TAT: variants seen among roughly 807,000 people sequenced by gnomAD.
The protein encoded by TAT is L-tyrosine:2-oxoglutarate aminotransferase.
Under a neutral mutation model 53.6 loss-of-function variants are expected in TAT, and 35 were observed. The ratio of observed to expected loss-of-function variants is 0.65; its 90% confidence interval spans 0.50 to 0.87. The LOEUF (loss-of-function observed/expected upper bound fraction) is 0.87, where lower values mean the gene tolerates loss of function less well. TAT is among the 40% of genes least tolerant of loss of function. The probability of loss-of-function intolerance (pLI) is 0.00; values close to 1 mark genes in which losing one functional copy is unlikely to be tolerated. For synonymous variants in TAT, 197 were observed against 206.5 expected (o/e 0.95, Z 0.39); for missense variants, 525 against 571.8 (o/e 0.92, Z 0.83).
chr16:71,576,964 C>T (rs993065843), intron 1 of TAT, 45 bp downstream of exon 1: 1 of 173,184 alleles, frequency 5.8e-6, no homozygotes, highest in African/African-American at 2.4e-5. Context: ...ATTAACAGCT[C>T]AATCAGTCAC....
chr16:71,571,541 C>T (rs937167512), intron 7 of TAT, 65 bp downstream of exon 7: 2 of 1,435,632 alleles, frequency 1.4e-6, no homozygotes, highest in Non-Finnish European at 2.0e-6. Context: ...CTGATTATTC[C>T]ACTTCTAAAG....
chr16:71,575,043 A>C (rs2044226519), intron 3 of TAT: 1 of 152,184 alleles, frequency 6.6e-6, no homozygotes. Flanking sequence ...TAATATTTGG[A>C]TGTTAAAGTC....
chr16:71,571,097 C>T (rs2044200157), intron 7 of TAT, among the ~76,000 whole-genome samples: 1 of 152,192 alleles, frequency 6.6e-6, no homozygotes, highest in African/African-American at 2.4e-5. Flanking sequence ...CTCCATGAAG[C>T]TGGCTCTATG....
rs756244991 is a variant in TAT at position 71,569,935 on chromosome 16, G to T, written c.1044C>A (p.Ser348=). The T allele has an allele frequency of 6.2e-7, 1 of 1,613,082 alleles. No homozygotes were observed. Among genetic ancestry groups the T allele is most frequent in the Admixed American group, 1.7e-5 (1 of 59,902 alleles). The change falls in exon 10 of 12, where the codon TCC becomes TCA. Residue 348 remains serine (S), a splice_region_variant and synonymous_variant. Coordinates refer to ENST00000355962, the MANE Select transcript of TAT (RefSeq NM_000353.3). ...FYHNTLSFLK[S]NADLCYGALA... Reference sequence around the variant, plus strand: ...ACGCCCCATAACAGAGATCAGCATTGGACTACAAGAAGAGGCAAGGAGAAA... The same window carrying T: ...ACGCCCCATAACAGAGATCAGCATTTGACTACAAGAAGAGGCAAGGAGAAA...
At chr16:71,576,562 T>C in intron 1 of TAT, 135 bp from the exon 2 acceptor site, 1 of 789,132 alleles carries the variant, frequency 1.3e-6, no homozygotes, top group South Asian at 1.6e-5. Context: ...TTTTTTCTAC[T>C]TTCTGTTGTA....
intron 11 of TAT, 92 bp downstream of exon 11, chr16:71,568,619 G>C: frequency 1.1e-6 from 1 of 949,592 alleles, no homozygotes; most frequent in Non-Finnish European, 1.7e-6. Flanking sequence ...CATTTTGTTG[G>C]AGGAGAAAAG....
chr16:71,571,770 TAAAG>T (rs1180544277), intron 6 of TAT, 112 bp from the exon 7 acceptor site: 3 of 1,102,158 alleles, frequency 2.7e-6, no homozygotes, highest in Non-Finnish European at 4.1e-6. Context: ...TTACAATTCT[TAAAG>T]AGAAAGACAA....
chr16:71,575,910 G>A lies in TAT; in HGVS notation c.340+12C>T. ...GGCAGTCACCAGGTATGGAGTCTCA[G>A]GAGGAGCTTACCGATGGATGGGGCA... On this transcript the variant is annotated intron_variant, in intron 3 of 11. Coordinates refer to ENST00000355962, the MANE Select transcript of TAT (RefSeq NM_000353.3). The A allele has an allele frequency of 6.2e-7, 1 of 1,613,344 alleles. No homozygotes were observed. The highest frequency in any genetic ancestry group is 8.5e-7 in the Non-Finnish European group (1 of 1,179,284).
At position 71,571,809 on chromosome 16, in the gene TAT, C is replaced by T. The variant is rs913018369; in HGVS notation, c.707-151G>A. 1.8e-5 allele frequency: 15 copies of T among 824,692 alleles called. No individual in the cohort carries two copies. In the Admixed American group the frequency reaches 3.1e-4, roughly 17 times the overall value. The allele number at this position is 824,692 out of a possible 1,614,324, so 51.1% of individuals were successfully genotyped here. On this transcript the variant is annotated intron_variant, in intron 6 of 11. Transcript: ENST00000355962. Reference sequence around the variant, plus strand: ...AAAAGCACAAGCAAAGTGTGATTTGCATTTCATGTTTGTGTGTTTTGTCTT... The same window carrying T: ...AAAAGCACAAGCAAAGTGTGATTTGTATTTCATGTTTGTGTGTTTTGTCTT...
At position 71,572,235 on chromosome 16, in the gene TAT, G is replaced by T. The variant is rs376789125; in HGVS notation, c.657C>A (p.Asn219Lys). 1.1e-5 allele frequency: 17 copies of T among 1,614,102 alleles called. No individual in the cohort carries two copies. The highest frequency in any genetic ancestry group is 1.4e-5 in the Non-Finnish European group (17 of 1,180,042). Residue 219 changes from asparagine to lysine, a missense_variant, in exon 6 of 12, where the codon AAC becomes AAA. Physicochemically the swap from Asn to Lys is moderately conservative, Grantham distance 94 (BLOSUM62 0). Coordinates refer to ENST00000355962, the MANE Select transcript of TAT (RefSeq NM_000353.3). Reference protein sequence around the residue: ...TACLIVNNPSNPCGSVFSKRH... With the variant: ...TACLIVNNPSKPCGSVFSKRH... The stretch of plus-strand genomic sequence containing the variant: ...GTTTGCTGAACACTGACCCACAGGG[G>T]TTTGATGGATTATTGACAATGAGAC...
Position 71,567,477 on chromosome 16 carries a change from AGAAAGCCT to A in TAT, c.*659_*666del, listed in dbSNP as rs2145228100. ...GAACTTCTCTAAAAAAAGAAAAAAA[AGAAAGCCT>A]GATGCACACAAATCTAAATTTGGCA... On this transcript the variant is annotated 3_prime_UTR_variant, in exon 12 of 12. Transcript: ENST00000355962. 1 of 152,310 alleles carries A rather than the reference AGAAAGCCT, an allele frequency of 6.6e-6. No homozygotes were observed. The highest frequency in any genetic ancestry group is 2.4e-5 in the African/African-American group (1 of 41,544). 9.4% of individuals were successfully genotyped at this position (152,310 alleles called of 1,614,324 possible). A position where few individuals can be genotyped will look rare whatever the true frequency, so the allele number is the denominator to read the frequency against.
At position 71,566,795 on chromosome 16, in the gene TAT, G is replaced by A. The variant is rs897502620; in HGVS notation, c.*1349C>T. On this transcript the variant is annotated 3_prime_UTR_variant, in exon 12 of 12. Coordinates refer to ENST00000355962, the MANE Select transcript of TAT (RefSeq NM_000353.3). ...GGTAATGAAACAATGAGACTGAGGA[G>A]TGCCTGGGATTAGAAATTCCCAAAC... is the stretch of plus-strand genomic sequence containing the variant. The A allele has an allele frequency of 1.4e-4, 21 of 151,570 alleles. No individual in the cohort carries two copies. Among genetic ancestry groups the A allele is most frequent in the Non-Finnish European group, 2.8e-4 (19 of 67,960 alleles). 9.4% of individuals were successfully genotyped at this position (151,570 alleles called of 1,614,324 possible).
rs779122856 is a variant in TAT, at chr16:71,570,290, G to T, written c.1020C>A (p.His340Gln). 6.2e-7 allele frequency: 1 copy of T among 1,614,190 alleles called. No homozygotes were observed. The highest frequency in any genetic ancestry group is 8.5e-7 in the Non-Finnish European group (1 of 1,180,044). The change falls in exon 9 of 12, where the codon CAC (histidine) becomes CAA (glutamine). Residue 340 changes from histidine to glutamine, a missense_variant. His to Gln is a conservative substitution (Grantham distance 24). Transcript: ENST00000355962. ...TTACCTTGAGGAAGCTCAGAGTGTT[G>T]TGGTAAAACTCTCCCGGGGTGCGAC... Reference protein sequence around the residue: ...ILCRTPGEFYHNTLSFLKSNA... With the variant: ...ILCRTPGEFYQNTLSFLKSNA...
chr16:71,568,830 G>C (rs548157367), intron 10 of TAT, 21 bp from the exon 11 acceptor site: 1 of 1,594,542 alleles, frequency 6.3e-7, no homozygotes, highest in African/African-American at 1.3e-5. Context: ...AGGAGGGAGA[G>C]GCCAACTTAT....
intron 3 of TAT, chr16:71,575,549 A>G (rs1417704027): frequency 5.8e-6 from 2 of 347,596 alleles, no homozygotes; most frequent in Non-Finnish European, 1.1e-5. Context: ...AAGGAGCTAT[A>G]TACACAGAGC....
rs558317698 is a variant in TAT, at chr16:71,576,506, T to C, written c.-12-79A>G. ...GAGGAGCTACATTTGGACCTAAACA[T>C]TGGGTGACTTCACTAAAAGTGTCTT... On this transcript the variant is annotated intron_variant, in intron 1 of 11. Transcript: ENST00000355962. 36 of 1,204,118 alleles carry C rather than the reference T, an allele frequency of 3.0e-5. No homozygotes were observed. The East Asian group carries it at 7.7e-4, about 26-fold the overall frequency. 74.6% of individuals were successfully genotyped at this position (1,204,118 alleles called of 1,614,324 possible).
chr16:71,568,907 T>C (rs903399689), intron 10 of TAT, 98 bp from the exon 11 acceptor site: 2 of 819,762 alleles, frequency 2.4e-6, no homozygotes, highest in Middle Eastern at 2.3e-4. Flanking sequence ...TTAAAAGATA[T>C]CTTGGAACTG....
intron 10 of TAT, 50 bp from the exon 11 acceptor site, chr16:71,568,859 G>A: frequency 7.2e-7 from 1 of 1,394,104 alleles, no homozygotes; most frequent in Non-Finnish European, 1.0e-6. Flanking sequence ...GGGAGAACAG[G>A]CCAATTTCCT....
At chr16:71,574,997 G>A (rs185096866) in intron 3 of TAT, 2 of 152,292 alleles carry the variant, frequency 1.3e-5, no homozygotes, top group East Asian at 3.9e-4. Context: ...GTCAAATGGA[G>A]ACTTGGTTTT....
Sources: gnomAD v4.1 joint callset for allele counts (sites outside exome capture counted in the v4.1 genomes callset) on GRCh38, gnomAD v4.1.1 for gene constraint, MANE v1.5 for transcripts, NCBI Gene and HGNC (gene_info 2026-07-23, HGNC 2026-07-21) for gene names.